The following RNF169 variants were observed in gnomAD, a reference collection of about 807,000 sequenced individuals.
RNF169 encodes ring finger protein 169, also known as E3 ubiquitin-protein ligase RNF169.
In RNF169, 24 loss-of-function variants were observed where a neutral mutation model predicts 53.9. That is an observed-to-expected ratio of 0.45 (90% confidence interval 0.32 to 0.63). The LOEUF (loss-of-function observed/expected upper bound fraction) is 0.63, where lower values mean the gene tolerates loss of function less well. Ranked by LOEUF, RNF169 falls within the 20% of genes least tolerant of loss-of-function variation. The probability of loss-of-function intolerance (pLI) is 0.04; values close to 1 mark genes in which losing one functional copy is unlikely to be tolerated. For synonymous variants in RNF169, 396 were observed against 363.5 expected (o/e 1.09, Z -1.02); for missense variants, 883 against 906.2 (o/e 0.97, Z 0.33).
intron 1 of RNF169, among the ~76,000 whole-genome samples, chr11:74,760,554 T>G (rs1442014621): frequency 6.6e-6 from 1 of 152,080 alleles, no homozygotes; most frequent in Non-Finnish European, 1.5e-5. Context: ...ATGTCTGCCT[T>G]CATTTCGTTA....
At chr11:74,776,027 T>TA (rs2035328060) in intron 1 of RNF169, among the ~76,000 whole-genome samples, 1 of 152,198 alleles carries the variant, frequency 6.6e-6, no homozygotes, top group Admixed American at 6.5e-5. Context: ...GAAAACCTGA[T>TA]ACTTTATAGC....
rs200909124 is a variant in RNF169, at chr11:74,835,826, A to G, written c.1223A>G (p.Lys408Arg). The G allele has an allele frequency of 6.8e-5, 110 of 1,614,152 alleles. No individual in the cohort carries two copies. Among genetic ancestry groups the G allele is most frequent in the East Asian group, 2.9e-4 (13 of 44,876 alleles). ...CGTGTGCTAAGTCCTCTCATCATCA[A>G]ATCAACTCCACGCAACCTAAACAGA... ...DGRVLSPLII[K>R]STPRNLNRSL... Residue 408 changes from lysine to arginine, a missense_variant, in exon 6 of 6, where the codon AAA becomes AGA. This residue lies in a region of RNF169 where 219 missense variants were observed against 289.1 expected (regional missense o/e 0.76). Transcript: ENST00000299563.
intron 5 of RNF169, 53 bp from the exon 6 acceptor site, chr11:74,835,493 G>A (rs961654196): frequency 7.3e-7 from 1 of 1,371,454 alleles, no homozygotes; most frequent in East Asian, 2.3e-5. Context: ...AATGATGAAG[G>A]AAAATGTATA....
At chr11:74,780,266 T>G (rs998159304) in intron 1 of RNF169, among the ~76,000 whole-genome samples, 1 of 152,228 alleles carries the variant, frequency 6.6e-6, no homozygotes, top group Admixed American at 6.5e-5. Flanking sequence ...TCTCAAAGAA[T>G]GCTCTCTACT....
At chr11:74,764,665 A>G (rs1451346985) in intron 1 of RNF169, among the ~76,000 whole-genome samples, 4 of 152,238 alleles carry the variant, frequency 2.6e-5, no homozygotes, top group Non-Finnish European at 5.9e-5. Context: ...AAAGTAGGAT[A>G]TAAGAAGTTG....
At chr11:74,809,495 C>T (rs2035846559) in intron 2 of RNF169, among the ~76,000 whole-genome samples, 2 of 152,176 alleles carry the variant, frequency 1.3e-5, no homozygotes, top group Admixed American at 6.5e-5. Flanking sequence ...ATGCCACCTC[C>T]CCAAAATAAA....
chr11:74,761,479 C>T (rs1213081455), intron 1 of RNF169, among the ~76,000 whole-genome samples: 9 of 149,426 alleles, frequency 6.0e-5, no homozygotes, highest in Non-Finnish European at 1.0e-4. Flanking sequence ...TTAGCGCTTC[C>T]TTCAGGAGCT....
chr11:74,811,154 C>T (rs2035870012), intron 3 of RNF169, among the ~76,000 whole-genome samples: 1 of 152,038 alleles, frequency 6.6e-6, no homozygotes, highest in South Asian at 2.1e-4. Context: ...ATCTCTGGAT[C>T]AGCAGTCTAC....
At chr11:74,819,486 T>C (rs1353572197) in intron 4 of RNF169, among the ~76,000 whole-genome samples, 3 of 152,214 alleles carry the variant, frequency 2.0e-5, no homozygotes, top group Admixed American at 6.5e-5. Context: ...AAGGCAGGGA[T>C]AGCATCTTGT....
chr11:74,767,450 G>C (rs559802448), intron 1 of RNF169, among the ~76,000 whole-genome samples: 1 of 152,226 alleles, frequency 6.6e-6, no homozygotes, highest in African/African-American at 2.4e-5. Context: ...CTGTCACCCA[G>C]ACTGGAGTTC....
chr11:74,800,579 A>G (rs554454070), intron 2 of RNF169, among the ~76,000 whole-genome samples: 14 of 152,222 alleles, frequency 9.2e-5, no homozygotes, highest in Non-Finnish European at 2.1e-4. Flanking sequence ...CCTGGTCCAT[A>G]GTAAACTGTA....
chr11:74,834,067 A>G (rs1326984405), intron 4 of RNF169, among the ~76,000 whole-genome samples: 1 of 152,220 alleles, frequency 6.6e-6, no homozygotes, highest in Non-Finnish European at 1.5e-5. Flanking sequence ...GGACTTCAGT[A>G]TAGAATCCAA....
Position 74,749,369 on chromosome 11 carries a change from G to T in RNF169, c.489G>T (p.Ala163=). ...GGCCAGAGCAGGAGCCGCGTGCCGC[G>T]CCTGCGGAGCCAGGTGGAGCTTCCC... ...GPRPEQEPRA[A]PAEPDFIFRA... is the part of the protein sequence containing the mutation. The change falls in exon 1 of 6, where the codon GCG becomes GCT. Residue 163 remains alanine, a synonymous_variant. Coordinates refer to ENST00000299563, the MANE Select transcript of RNF169 (RefSeq NM_001098638.2). 8.0e-7 allele frequency: 1 copy of T among 1,243,426 alleles called. No individual in the cohort carries two copies. The highest frequency in any genetic ancestry group is 3.6e-5 in the South Asian group (1 of 27,894). 77.0% of individuals were successfully genotyped at this position (1,243,426 alleles called of 1,614,324 possible). A position where few individuals can be genotyped will look rare whatever the true frequency, so the allele number is the denominator to read the frequency against.
At chr11:74,823,738 G>GAAAAAAA (rs35164191) in intron 4 of RNF169, among the ~76,000 whole-genome samples, 4 of 105,774 alleles carry the variant, frequency 3.8e-5, no homozygotes, top group Non-Finnish European at 3.9e-5. Context: ...CCCTGTCTCA[G>GAAAAAAA]AAAAAAAAAA....
rs149713161 is a variant in RNF169 at position 74,811,698 on chromosome 11, C to T, written c.723+1368C>T. On this transcript the variant is annotated intron_variant, in intron 3 of 5. Coordinates refer to ENST00000299563, the MANE Select transcript of RNF169 (RefSeq NM_001098638.2). ...ATTAAAAACAACCACTTAGATTTTA[C>T]AGGGTTTCAACCTTCCAAAAGATTC... is the stretch of plus-strand genomic sequence containing the variant. Among the ~76,000 whole-genome samples, 49 of 152,228 alleles carry T rather than the reference C, an allele frequency of 3.2e-4. No homozygotes were observed. The East Asian group carries it at 8.1e-3, about 25-fold the overall frequency.
At chr11:74,765,654 T>C (rs186743249) in intron 1 of RNF169, among the ~76,000 whole-genome samples, 1,942 of 151,646 alleles carry the variant, frequency 0.013, 49 homozygotes, top group African/African-American at 0.044. Context: ...TACAAAAAAT[T>C]AGCCAAGTGT....
At chr11:74,806,009 G>A (rs1312496199) in intron 2 of RNF169, among the ~76,000 whole-genome samples, 2 of 151,956 alleles carry the variant, frequency 1.3e-5, no homozygotes, top group Non-Finnish European at 2.9e-5. Flanking sequence ...GTGTGAGAGG[G>A]AGAAGAAGTA....
intron 3 of RNF169, among the ~76,000 whole-genome samples, chr11:74,815,295 C>A (rs2035928523): frequency 6.6e-6 from 1 of 152,128 alleles, no homozygotes; most frequent in African/African-American, 2.4e-5. Flanking sequence ...GTGGCTCACA[C>A]CTGTAATCCC....
intron 1 of RNF169, among the ~76,000 whole-genome samples, chr11:74,759,611 TTTA>T (rs1189668348): frequency 6.8e-6 from 1 of 146,148 alleles, no homozygotes; most frequent in Non-Finnish European, 1.5e-5. Flanking sequence ...CTGGATTACA[TTTA>T]TTGATTTGCG....
Sources: gnomAD v4.1 joint callset for allele counts (sites outside exome capture counted in the v4.1 genomes callset) on GRCh38, gnomAD v4.1.1 for gene constraint, gnomAD v4.1.1 regional missense constraint, MANE v1.5 for transcripts, NCBI Gene and HGNC (gene_info 2026-07-23, HGNC 2026-07-21) for gene names.